Variants in RMI1 observed in about 807,000 individuals in gnomAD.
The protein encoded by RMI1 is recQ-mediated genome instability protein 1.
Under a neutral mutation model 46.7 loss-of-function variants are expected in RMI1, and 36 were observed. The observed-to-expected ratio is 0.77, with a 90% CI of 0.59 to 1.02. The LOEUF is 1.02. RMI1 is among the 50% of genes least tolerant of loss of function. The pLI is 0.00. For missense variants in RMI1, 676 were observed against 713.7 expected (o/e 0.95, Z 0.60); for synonymous variants, 250 against 252.9 (o/e 0.99, Z 0.11).
At chr9:83,984,272 CT>C (rs34730251) in intron 1 of RMI1, among the ~76,000 whole-genome samples, 90 of 143,058 alleles carry the variant, frequency 6.3e-4, no homozygotes, top group Middle Eastern at 3.6e-3. Flanking sequence ...ATGAACATAC[CT>C]TTTTTTTTTT....
At chr9:83,989,855 AGAAAG>A (rs1957543142) in intron 1 of RMI1, among the ~76,000 whole-genome samples, 1 of 152,188 alleles carries the variant, frequency 6.6e-6, no homozygotes, top group African/African-American at 2.4e-5. Flanking sequence ...ATAAACTAAA[AGAAAG>A]GAAATCAATG....
chr9:84,002,045 A>G lies in RMI1; in HGVS notation c.1059A>G (p.Ser353=), dbSNP rs1957745769. ...CCGATCGAAGTATAGAGAGATTTTC[A>G]CATAATCCTAATACTACGAATAACT... ...RNADRSIERF[S]HNPNTTNNFS... The change falls in exon 3 of 3, where the codon TCA becomes TCG. Residue 353 remains serine (S), a synonymous_variant. Coordinates refer to ENST00000445877, the MANE Select transcript of RMI1 (RefSeq NM_001358291.2). The G allele has an allele frequency of 1.2e-6, 2 of 1,613,944 alleles. No individual in the cohort carries two copies. The highest frequency in any genetic ancestry group is 2.7e-5 in the African/African-American group (2 of 75,052).
In RMI1 at chr9:84,002,402, A is replaced by C. The variant is rs1957752245; in HGVS notation, c.1416A>C (p.Arg472Ser). 2.5e-6 allele frequency: 4 copies of C among 1,612,990 alleles called. No individual in the cohort carries two copies. The Admixed American group carries it at 6.7e-5, about 27-fold the overall frequency. Residue 472 changes from arginine to serine, a missense_variant, in exon 3 of 3, where the codon AGA becomes AGC. Coordinates refer to ENST00000445877, the MANE Select transcript of RMI1 (RefSeq NM_001358291.2). ...GTAATTTACAGAGTTGTTCTTTAAG[A>C]TCATCAGAGAATAGCATTAATCTTT... ...NDCNLQSCSLRSSENSINLSI... is the reference protein window; with the variant it reads ...NDCNLQSCSLSSSENSINLSI...
chr9:83,981,801 A>G (rs1015247682), intron 1 of RMI1, among the ~76,000 whole-genome samples: 4 of 152,234 alleles, frequency 2.6e-5, no homozygotes, highest in South Asian at 2.1e-4. Flanking sequence ...TTTGCAAAAC[A>G]TATATACCAG....
At chr9:83,996,625 T>C (rs999985857) in intron 1 of RMI1, among the ~76,000 whole-genome samples, 1 of 152,230 alleles carries the variant, frequency 6.6e-6, no homozygotes, top group Non-Finnish European at 1.5e-5. Context: ...TTATTTTCCT[T>C]TGTTTTGTAT....
chr9:83,983,025 A>C (rs574705293), intron 1 of RMI1, among the ~76,000 whole-genome samples: 1 of 152,252 alleles, frequency 6.6e-6, no homozygotes, highest in East Asian at 1.9e-4. Context: ...CAGTGAATTT[A>C]GACCCAATAT....
intron 1 of RMI1, among the ~76,000 whole-genome samples, chr9:83,987,179 C>G (rs936106489): frequency 1.3e-5 from 2 of 152,094 alleles, no homozygotes; most frequent in Admixed American, 1.3e-4. Flanking sequence ...TTTTCTGCCT[C>G]AGCCTCCTGA....
chr9:84,001,760 A>G lies in RMI1; in HGVS notation c.774A>G (p.Thr258=). The G allele has an allele frequency of 6.2e-7, 1 of 1,614,068 alleles. No homozygotes were observed. Residue 258 remains threonine (T), a synonymous_variant, in exon 3 of 3, where the codon ACA becomes ACG. Coordinates refer to ENST00000445877, the MANE Select transcript of RMI1 (RefSeq NM_001358291.2). ...GTCTTGATGAAAATGATGAGCTTAC[A>G]GCAAATAATGACACTTCCTCAGAAC... ...LASLDENDEL[T]ANNDTSSERC... is the part of the protein sequence containing the mutation.
chr9:83,981,787 G>A (rs907266032), intron 1 of RMI1, among the ~76,000 whole-genome samples: 5 of 152,154 alleles, frequency 3.3e-5, no homozygotes, highest in Admixed American at 2.0e-4. Context: ...TCCTTCTTGG[G>A]TAATTTGCAA....
rs753543237 is a variant in RMI1, at chr9:84,002,234, TAAAGA to T, written c.1255_1259del (p.Lys419LeufsTer5). 10 of 1,606,476 alleles carry T rather than the reference TAAAGA, an allele frequency of 6.2e-6. No individual in the cohort carries two copies. The highest frequency in any genetic ancestry group is 5.4e-5 in the African/African-American group (4 of 74,272). ...TACCCTTAGCCCATGATTTTACAAA[TAAAGA>T]AAAGAACTTAGAGACAGATAATAAA... On this transcript the variant is annotated frameshift_variant, in exon 3 of 3. Coordinates refer to ENST00000445877, the MANE Select transcript of RMI1 (RefSeq NM_001358291.2). LOFTEE classifies it high-confidence loss of function.
Position 84,002,350 on chromosome 9 carries a change from A to G in RMI1, c.1364A>G (p.Asn455Ser), listed in dbSNP as rs1982151. The G allele has an allele frequency of 0.73, 1,165,121 of 1,603,676 alleles. 425,676 individuals carry two copies. Among genetic ancestry groups the G allele is most frequent in the Admixed American group, 0.83 (49,431 of 59,454 alleles). ...REVVNYVQKR[N>S]SQISNENDCN... ...GTGGTCAACTATGTACAGAAAAGGA[A>G]TTCACAAATTTCTAATGAAAATGAT... The change falls in exon 3 of 3, where the codon AAT (asparagine) becomes AGT (serine). Residue 455 changes from asparagine (N) to serine (S), a missense_variant. Transcript: ENST00000445877.
At chr9:83,980,802 A>T (rs1159362861), upstream of RMI1, 2 of 152,318 alleles carry the variant, frequency 1.3e-5, no homozygotes, top group African/African-American at 2.4e-5. Flanking sequence ...GAGGTAAAAA[A>T]GGAACTGGGA....
In RMI1 at chr9:84,003,925, T is replaced by TA. The variant is rs994690405; in HGVS notation, c.*1069dup. The TA allele has an allele frequency of 7.8e-5, 13 of 166,060 alleles. No homozygotes were observed. Among genetic ancestry groups the TA allele is most frequent in the African/African-American group, 2.4e-4 (10 of 41,306 alleles). 10.3% of individuals were successfully genotyped at this position (166,060 alleles called of 1,614,324 possible). On this transcript the variant is annotated 3_prime_UTR_variant, in exon 3 of 3. Transcript: ENST00000445877. ...TTGGTTTTAAGTACTGATTTTTTTT[T>TA]AAAAAAAAGAGGGACTGTTTACCAT...
At chr9:83,996,537 A>T (rs1174388735) in intron 1 of RMI1, among the ~76,000 whole-genome samples, 1 of 152,204 alleles carries the variant, frequency 6.6e-6, no homozygotes, top group African/African-American at 2.4e-5. Context: ...TATTGAGTGT[A>T]GCTAAATATT....
intron 1 of RMI1, among the ~76,000 whole-genome samples, chr9:83,993,530 T>C (rs1304495958): frequency 6.6e-6 from 1 of 152,204 alleles, no homozygotes; most frequent in Non-Finnish European, 1.5e-5. Flanking sequence ...GTGGTAGTTC[T>C]AGTTTTAATT....
rs747980038 is a variant in RMI1 at position 84,002,240 on chromosome 9, A to C, written c.1254A>C (p.Glu418Asp). 3 of 1,606,352 alleles carry C rather than the reference A, an allele frequency of 1.9e-6. No individual in the cohort carries two copies. The African/African-American group carries it at 4.0e-5, about 22-fold the overall frequency. The change falls in exon 3 of 3, where the codon GAA becomes GAC. Residue 418 changes from glutamate (E) to aspartate (D), a missense_variant. Physicochemically the swap from Glu to Asp is conservative, Grantham distance 45. Coordinates refer to ENST00000445877, the MANE Select transcript of RMI1 (RefSeq NM_001358291.2). ...VPLAHDFTNK[E>D]KNLETDNKIK... ...TAGCCCATGATTTTACAAATAAAGAAAAGAACTTAGAGACAGATAATAAAA... is the reference window on the plus strand; with the variant it reads ...TAGCCCATGATTTTACAAATAAAGACAAGAACTTAGAGACAGATAATAAAA...
chr9:83,989,689 TA>T (rs1418180748), intron 1 of RMI1, among the ~76,000 whole-genome samples: 29 of 146,766 alleles, frequency 2.0e-4, no homozygotes, highest in Non-Finnish European at 3.9e-4. Flanking sequence ...TAAAATAAAA[TA>T]AAAAAGATTC....
intron 1 of RMI1, among the ~76,000 whole-genome samples, chr9:83,981,223 T>G (rs963728293): frequency 1.3e-5 from 2 of 152,224 alleles, no homozygotes; most frequent in African/African-American, 2.4e-5. Context: ...TTCACAGGGC[T>G]CTCGGTTCTG....
chr9:83,995,967 A>AT (rs1007420203), intron 1 of RMI1, among the ~76,000 whole-genome samples: 15 of 152,234 alleles, frequency 9.9e-5, no homozygotes, highest in African/African-American at 3.6e-4. Context: ...GCTCAAAGAG[A>AT]TAAAAAAAAA....
Sources: allele counts gnomAD v4.1 joint callset (sites outside exome capture counted in the v4.1 genomes callset), GRCh38; gene constraint gnomAD v4.1.1; transcripts MANE v1.5; gene names NCBI Gene and HGNC (gene_info 2026-07-23, HGNC 2026-07-21).